CFAP92: variants seen among roughly 807,000 people sequenced by gnomAD.
CFAP92 encodes the protein uncharacterized protein CFAP92.
In CFAP92, 86 loss-of-function variants were observed where a neutral mutation model predicts 106.3. The ratio of observed to expected loss-of-function variants is 0.81; its 90% CI spans 0.68 to 0.97. The LOEUF is 0.97. Ranked by LOEUF, CFAP92 falls within the 50% of genes least tolerant of loss-of-function variation. The probability of loss-of-function intolerance (pLI) is 0.00; values close to 1 mark genes in which losing one functional copy is unlikely to be tolerated. For missense variants in CFAP92, 1,204 were observed against 1,283.8 expected, an observed-to-expected ratio of 0.94 and a Z score of 0.95; for synonymous variants, 477 against 506.4, an observed-to-expected ratio of 0.94 and a Z score of 0.78.
chr3:128,960,664 C>T (rs193226784), intron 9 of CFAP92, among the ~76,000 whole-genome samples: 165 of 152,366 alleles, frequency 1.1e-3, no homozygotes, highest in Non-Finnish European at 1.7e-3. Context: ...TGTCAGACCA[C>T]GCAGGGACGC....
At chr3:129,003,728 C>T, upstream of CFAP92, 2 of 1,269,570 alleles carry the variant, frequency 1.6e-6, no homozygotes, top group Non-Finnish European at 2.0e-6. Flanking sequence ...GCCGTCGTGG[C>T]GGGCGTTCGT....
At chr3:128,941,896 T>A (rs908733264) in intron 10 of CFAP92, among the ~76,000 whole-genome samples, 3 of 152,256 alleles carry the variant, frequency 2.0e-5, no homozygotes, top group Non-Finnish European at 4.4e-5. Context: ...TTAATTTCCC[T>A]GCATATGAAC....
chr3:128,953,609 C>G lies in CFAP92; in HGVS notation c.1354-7634G>C, dbSNP rs1349955394. Among the ~76,000 whole-genome samples, 50 of 119,490 alleles carry G rather than the reference C, an allele frequency of 4.2e-4. 1 individual carries two copies. Among genetic ancestry groups the G allele is most frequent in the African/African-American group, 2.2e-3 (45 of 20,698 alleles). The allele number at this position is 119,490 out of a possible 152,430, so 78.4% of individuals were successfully genotyped here. A position where few individuals can be genotyped will look rare whatever the true frequency, so the allele number is the denominator to read the frequency against. On this transcript the variant is annotated intron_variant, in intron 9 of 15. Coordinates refer to ENST00000645291, the MANE Select transcript of CFAP92 (RefSeq NM_001394090.1). ...CCTCTCCCTCTCCCTCCCCCTCTCC[C>G]TCTCCCTCTCCCTCCCTCTCCGTCT...
the CFAP92 span, among the ~76,000 whole-genome samples, chr3:129,016,676 A>T: frequency 6.6e-6 from 1 of 152,106 alleles, no homozygotes; most frequent in Non-Finnish European, 1.5e-5. Context: ...CTGTAGATGG[A>T]TTCCACACAC....
At chr3:129,000,585 C>G (rs1944677813) in intron 1 of CFAP92, among the ~76,000 whole-genome samples, 1 of 152,206 alleles carries the variant, frequency 6.6e-6, no homozygotes, top group Admixed American at 6.5e-5. Flanking sequence ...CACAATATCA[C>G]TGCACCCCTC....
chr3:128,969,707 G>C (rs1359111175), intron 8 of CFAP92: 1 of 152,140 alleles, frequency 6.6e-6, no homozygotes, highest in African/African-American at 2.4e-5. Context: ...CCCATGGTAC[G>C]CTCCCCCAGG....
At position 128,915,259 on chromosome 3, in the gene CFAP92, G is replaced by A. The variant is rs1329726538; in HGVS notation, c.3140C>T (p.Ser1047Phe). The A allele has an allele frequency of 6.5e-7, 1 of 1,536,158 alleles. No homozygotes were observed. Among genetic ancestry groups the A allele is most frequent in the Non-Finnish European group, 8.7e-7 (1 of 1,146,910 alleles). The change falls in exon 15 of 16, where the codon TCC (serine) becomes TTC (phenylalanine). Residue 1047 changes from serine to phenylalanine, a missense_variant. Coordinates refer to ENST00000645291, the MANE Select transcript of CFAP92 (RefSeq NM_001394090.1). ...KELNEEWKEN[S>F]LFANVLEPVL... ...AGGCTCCAGTACATTAGCAAACAGG[G>A]AGTTTTCCTTCCACTCCTAAATTGG...
At chr3:129,001,476 C>T (rs938612511) in intron 1 of CFAP92, among the ~76,000 whole-genome samples, 51 of 152,208 alleles carry the variant, frequency 3.4e-4, no homozygotes, top group Non-Finnish European at 5.9e-4. Flanking sequence ...CACTGTGAGG[C>T]CAGCGCAGCT....
Position 128,915,138 on chromosome 3 carries a change from G to A in CFAP92, c.3261C>T (p.Pro1087=), listed in dbSNP as rs1041446692. The change falls in exon 15 of 16, where the codon CCC becomes CCT. Residue 1087 remains proline (P), a synonymous_variant. Transcript: ENST00000645291. The part of the protein sequence containing the change: ...PPPFLELLPS[P]APKPVTVRKK... ...TGTTACCTGTTACAGGCTTTGGTGC[G>A]GGCGAAGGGAGCAGCTCGAGGAAAG... The A allele has an allele frequency of 1.2e-5, 19 of 1,535,954 alleles. No homozygotes were observed. Among genetic ancestry groups the A allele is most frequent in the South Asian group, 2.4e-5 (2 of 84,044 alleles).
chr3:128,985,806 C>G (rs1448966351), intron 4 of CFAP92, among the ~76,000 whole-genome samples: 1 of 152,168 alleles, frequency 6.6e-6, no homozygotes, highest in Non-Finnish European at 1.5e-5. Context: ...TGGAAGCCTA[C>G]GACTTGTAGT....
chr3:128,970,661 T>C (rs1490993703), intron 8 of CFAP92: 1 of 152,446 alleles, frequency 6.6e-6, no homozygotes, highest in Non-Finnish European at 1.5e-5. Flanking sequence ...GTCCAGTTCA[T>C]AAATTGTGGT....
chr3:128,988,644 C>G, intron 3 of CFAP92, 84 bp downstream of exon 3: 1 of 1,371,336 alleles, frequency 7.3e-7, no homozygotes, highest in South Asian at 1.3e-5. Context: ...GGAGGTGGAG[C>G]TGATGTTGCA....
chr3:128,935,373 C>T lies in CFAP92; in HGVS notation c.2259-54G>A, dbSNP rs147051948. 12 of 1,276,672 alleles carry T rather than the reference C, an allele frequency of 9.4e-6. No individual in the cohort carries two copies. The East Asian group carries it at 1.5e-4, about 16-fold the overall frequency. 79.1% of individuals were successfully genotyped at this position (1,276,672 alleles called of 1,614,324 possible). A position where few individuals can be genotyped will look rare whatever the true frequency, so the allele number is the denominator to read the frequency against. Reference sequence around the variant, plus strand: ...CTTGCATGGCAGCTTCCTGGGACACCGTGGTGAGGGTGCGCTGTCAGGTAC... The same window carrying T: ...CTTGCATGGCAGCTTCCTGGGACACTGTGGTGAGGGTGCGCTGTCAGGTAC... On this transcript the variant is annotated intron_variant, in intron 10 of 15. Coordinates refer to ENST00000645291, the MANE Select transcript of CFAP92 (RefSeq NM_001394090.1).
upstream of CFAP92, among the ~76,000 whole-genome samples, chr3:129,004,265 C>T (rs1163942193): frequency 6.6e-6 from 1 of 152,194 alleles, no homozygotes; most frequent in African/African-American, 2.4e-5. Flanking sequence ...CCATTGCTTG[C>T]TCTGCAACCA....
intron 12 of CFAP92, among the ~76,000 whole-genome samples, chr3:128,928,080 G>A (rs1308050784): frequency 2.0e-5 from 3 of 151,922 alleles, no homozygotes; most frequent in East Asian, 1.9e-4. Context: ...GTGAAACCCC[G>A]TCTCTACTAA....
chr3:128,956,071 A>G (rs1213552668), intron 9 of CFAP92, among the ~76,000 whole-genome samples: 2 of 100,790 alleles, frequency 2.0e-5, no homozygotes, highest in African/African-American at 9.6e-5. Context: ...TAGGAAAACC[A>G]GAGACCTTTG....
the CFAP92 span, among the ~76,000 whole-genome samples, chr3:129,011,550 C>CAAAAA: frequency 4.6e-3 from 432 of 93,510 alleles, 3 homozygotes; most frequent in African/African-American, 0.016. Context: ...GACTCCGTCT[C>CAAAAA]AAAAAAAAAA....
At chr3:128,937,333 C>CG (rs1939132413) in intron 10 of CFAP92, among the ~76,000 whole-genome samples, 1 of 127,744 alleles carries the variant, frequency 7.8e-6, no homozygotes, top group African/African-American at 3.3e-5. Flanking sequence ...AAAAAAAAAA[C>CG]CACGCGTAGT....
chr3:128,938,154 G>GT (rs1021239565), intron 10 of CFAP92, among the ~76,000 whole-genome samples: 6 of 151,192 alleles, frequency 4.0e-5, no homozygotes, highest in African/African-American at 1.5e-4. Context: ...ATTGCTTGAG[G>GT]TGGGGGGGTC....
Sources: gnomAD v4.1 joint callset for allele counts (sites outside exome capture counted in the v4.1 genomes callset) on GRCh38, gnomAD v4.1.1 for gene constraint, MANE v1.5 for transcripts, NCBI Gene and HGNC (gene_info 2026-07-23, HGNC 2026-07-21) for gene names.